AGAP1: variants seen among roughly 807,000 people sequenced by gnomAD.
AGAP1 encodes the protein arf-GAP with GTPase, ANK repeat and PH domain-containing protein 1.
In AGAP1, 29 loss-of-function variants were observed where a neutral mutation model predicts 105.3. That is an observed-to-expected ratio of 0.28 (90% confidence interval 0.21 to 0.38). AGAP1 has a LOEUF of 0.38. AGAP1 is among the 10% of genes least tolerant of loss of function. AGAP1 has a pLI of 1.00. For missense variants in AGAP1, 998 were observed against 1,165.1 expected, an observed-to-expected ratio of 0.86 and a Z score of 2.09; for synonymous variants, 509 against 485.9, an observed-to-expected ratio of 1.05 and a Z score of -0.63.
rs553614461 is a variant in AGAP1 at position 235,557,755 on chromosome 2, T to A, written c.163+62906T>A. ...CTTCAGGTCCCGCTCCATGGCCGTG[T>A]GCACCTTCATGGTACGTGCTGGGGT... On this transcript the variant is annotated intron_variant, in intron 1 of 17. Coordinates refer to ENST00000304032, the MANE Select transcript of AGAP1 (RefSeq NM_001037131.3). The surrounding 1 kb of genome is among the most constrained non-coding windows in gnomAD (Gnocchi z 4.7). Among the ~76,000 whole-genome samples, 21 of 152,194 alleles carry A rather than the reference T, an allele frequency of 1.4e-4. No homozygotes were observed. Among genetic ancestry groups the A allele is most frequent in the Non-Finnish European group, 3.1e-4 (21 of 68,042 alleles).
At position 236,007,328 on chromosome 2, in the gene AGAP1, TATAAG is replaced by T. The variant is rs1246083548; in HGVS notation, c.1646-29231_1646-29227del. On this transcript the variant is annotated intron_variant, in intron 13 of 17. Transcript: ENST00000304032. ...CAGTCTTCAGTTCAGATGGCTTACATATAAGAGGAGCATGATTGACTGGATAACCC... is the reference window on the plus strand; with the variant it reads ...CAGTCTTCAGTTCAGATGGCTTACATAGGAGCATGATTGACTGGATAACCC... Among the ~76,000 whole-genome samples, 31 of 152,350 alleles carry T rather than the reference TATAAG, an allele frequency of 2.0e-4. 1 individual carries two copies. Among genetic ancestry groups the T allele is most frequent in the Admixed American group, 2.6e-4 (4 of 15,310 alleles).
chr2:235,717,583 C>G lies in AGAP1; in HGVS notation c.249C>G (p.Gly83=). The change falls in exon 3 of 18, where the codon GGC becomes GGG. Residue 83 remains glycine (G), a synonymous_variant. Transcript: ENST00000304032. ...GAATTGTGGGTAACTTGGCCAGCGG[C>G]AAGTCTGCCCTGGTGCACCGGTACC... The part of the protein sequence containing the change: ...KVGIVGNLAS[G]KSALVHRYLT... The G allele has an allele frequency of 1.2e-6, 2 of 1,601,440 alleles. No individual in the cohort carries two copies. Among genetic ancestry groups the G allele is most frequent in the Non-Finnish European group, 1.7e-6 (2 of 1,176,994 alleles).
At chr2:235,645,584 A>G (rs1205262158) in intron 1 of AGAP1, among the ~76,000 whole-genome samples, 1 of 151,936 alleles carries the variant, frequency 6.6e-6, no homozygotes, top group Admixed American at 6.6e-5. Context: ...GAGTTCAGAG[A>G]ATGGGTCATT....
chr2:235,710,963 T>A (rs1190173639), intron 2 of AGAP1, among the ~76,000 whole-genome samples: 3 of 152,152 alleles, frequency 2.0e-5, no homozygotes, highest in Non-Finnish European at 2.9e-5. Context: ...TAGGTACGGT[T>A]ATCCCCATTT....
intron 11 of AGAP1, among the ~76,000 whole-genome samples, chr2:235,918,838 C>A (rs2052028486): frequency 2.0e-5 from 3 of 151,838 alleles, no homozygotes; most frequent in Admixed American, 2.0e-4. Context: ...TATTGTACTT[C>A]CTAAATTAAG....
Position 235,951,716 on chromosome 2 carries a change from A to G in AGAP1, c.1484-16746A>G, listed in dbSNP as rs540709953. Among the ~76,000 whole-genome samples, 11 of 152,276 alleles carry G rather than the reference A, an allele frequency of 7.2e-5. No homozygotes were observed. In the South Asian group the frequency reaches 2.3e-3, roughly 32 times the overall value. On this transcript the variant is annotated intron_variant, in intron 12 of 17. Coordinates refer to ENST00000304032, the MANE Select transcript of AGAP1 (RefSeq NM_001037131.3). This position sits in a 1 kb window ranked among gnomAD's most constrained non-coding sequence, Gnocchi z 4.2. ...GAATCGCTTGTTGTCTGTTGGTACA[A>G]AATAAACATTTCCTCCTATCCTGGA...
At chr2:235,499,188 C>T (rs112450425) in intron 1 of AGAP1, among the ~76,000 whole-genome samples, 2 of 152,284 alleles carry the variant, frequency 1.3e-5, no homozygotes, top group African/African-American at 4.8e-5. Flanking sequence ...TTGCGGAGCC[C>T]CTGTTATTCA....
chr2:235,543,738 C>G (rs1559236979), intron 1 of AGAP1, among the ~76,000 whole-genome samples: 1 of 152,176 alleles, frequency 6.6e-6, no homozygotes, highest in Non-Finnish European at 1.5e-5. Context: ...CTGAAACCAC[C>G]TCGGGCCTGT....
chr2:235,595,833 A>C (rs1042754390), intron 1 of AGAP1, among the ~76,000 whole-genome samples: 1 of 152,226 alleles, frequency 6.6e-6, no homozygotes. Flanking sequence ...GAAAATTAAG[A>C]AAAATTATAC....
At position 236,082,281 on chromosome 2, in the gene AGAP1, G is replaced by A. The variant is rs977289180; in HGVS notation, c.2114+33000G>A. Among the ~76,000 whole-genome samples the A allele has an allele frequency of 2.6e-5, 4 of 152,126 alleles. No homozygotes were observed. The highest frequency in any genetic ancestry group is 4.4e-5 in the Non-Finnish European group (3 of 68,016). ...TAGATGCAGATATTATTTGCACTGCGGTTAATTATGGAGCAATCAAACCTT... is the reference window on the plus strand; with the variant it reads ...TAGATGCAGATATTATTTGCACTGCAGTTAATTATGGAGCAATCAAACCTT... On this transcript the variant is annotated intron_variant, in intron 16 of 17. Transcript: ENST00000304032. This position sits in a 1 kb window ranked among gnomAD's most constrained non-coding sequence, Gnocchi z 4.2.
chr2:235,720,414 G>A lies in AGAP1; in HGVS notation c.310+2770G>A, dbSNP rs2149560400. On this transcript the variant is annotated intron_variant, in intron 3 of 17. Transcript: ENST00000304032. The surrounding 1 kb of genome is among the most constrained non-coding windows in gnomAD (Gnocchi z 5.0). The stretch of plus-strand genomic sequence containing the variant: ...GCTGGAGGCTGACAAAGCTGATGAT[G>A]GCCCAGCCTCACCTGTGGTTACTTA... Among the ~76,000 whole-genome samples, 1 of 152,200 alleles carries A rather than the reference G, an allele frequency of 6.6e-6. No individual in the cohort carries two copies. The highest frequency in any genetic ancestry group is 2.4e-5 in the African/African-American group (1 of 41,536).
At position 235,996,301 on chromosome 2, in the gene AGAP1, A is replaced by C. The variant is rs1034183127; in HGVS notation, c.1645+27678A>C. Among the ~76,000 whole-genome samples the C allele has an allele frequency of 3.9e-5, 6 of 152,176 alleles. 1 individual carries two copies. In the South Asian group the frequency reaches 1.2e-3, roughly 32 times the overall value. ...AAACCCGTCCACTGCCCACCTCTCC[A>C]GCAGAAATTAGGCCAAACTCGCCTC... On this transcript the variant is annotated intron_variant, in intron 13 of 17. Coordinates refer to ENST00000304032, the MANE Select transcript of AGAP1 (RefSeq NM_001037131.3).
chr2:235,603,774 G>C (rs1945818978), intron 1 of AGAP1, among the ~76,000 whole-genome samples: 1 of 152,126 alleles, frequency 6.6e-6, no homozygotes, highest in Non-Finnish European at 1.5e-5. Flanking sequence ...TCTCATATCT[G>C]TGAAGTCCTG....
At chr2:236,025,693 T>C (rs931545586) in intron 13 of AGAP1, among the ~76,000 whole-genome samples, 16 of 152,180 alleles carry the variant, frequency 1.1e-4, no homozygotes, top group African/African-American at 2.4e-4. Flanking sequence ...ATAGATCTTC[T>C]CTACTGGATT....
intron 11 of AGAP1, among the ~76,000 whole-genome samples, chr2:235,915,338 A>G (rs1417696578): frequency 6.6e-6 from 1 of 152,216 alleles, no homozygotes; most frequent in Non-Finnish European, 1.5e-5. Context: ...GAAGGATTTA[A>G]TACGTTAGTT....
In AGAP1 at chr2:235,566,323, C is replaced by T. The variant is rs767414722; in HGVS notation, c.163+71474C>T. ...TCAGGCTGGTCTCGAACTGCCTTGG[C>T]CTCCTAAAGTGTTGGGATTACAGAT... On this transcript the variant is annotated intron_variant, in intron 1 of 17. Coordinates refer to ENST00000304032, the MANE Select transcript of AGAP1 (RefSeq NM_001037131.3). The surrounding 1 kb of genome is among the most constrained non-coding windows in gnomAD (Gnocchi z 5.2). 3.3e-5 allele frequency among the ~76,000 whole-genome samples: 5 copies of T among 152,120 alleles called. No homozygotes were observed. The highest frequency in any genetic ancestry group is 7.4e-5 in the Non-Finnish European group (5 of 68,022).
intron 1 of AGAP1, among the ~76,000 whole-genome samples, chr2:235,686,638 T>C (rs1156902984): frequency 2.0e-5 from 1 of 49,376 alleles, no homozygotes; most frequent in Admixed American, 2.5e-4. Context: ...TATATATATA[T>C]ATATATAGAT....
chr2:235,707,027 C>T (rs1950569566), intron 1 of AGAP1, among the ~76,000 whole-genome samples: 1 of 152,236 alleles, frequency 6.6e-6, no homozygotes, highest in South Asian at 2.1e-4. Context: ...CATCATCTGT[C>T]CACGGGTAAT....
intron 1 of AGAP1, among the ~76,000 whole-genome samples, chr2:235,645,664 G>C (rs1467662656): frequency 6.6e-6 from 1 of 152,142 alleles, no homozygotes; most frequent in Non-Finnish European, 1.5e-5. Flanking sequence ...GGGTCAGCAC[G>C]CAGTCAGATG....
Sources: gnomAD v4.1 joint callset for allele counts (sites outside exome capture counted in the v4.1 genomes callset) on GRCh38, gnomAD v4.1.1 for gene constraint, Gnocchi (gnomAD v3.1) non-coding constraint, MANE v1.5 for transcripts, NCBI Gene and HGNC (gene_info 2026-07-23, HGNC 2026-07-21) for gene names.